The following GATAD1 variants were observed in gnomAD, a reference collection of about 807,000 sequenced individuals.
GATAD1 encodes the protein GATA zinc finger domain containing 1, also known as GATA zinc finger domain-containing protein 1.
In GATAD1, 12 loss-of-function variants were observed where a neutral mutation model predicts 26.5. That is an observed-to-expected ratio of 0.45 (90% CI 0.29 to 0.73). The LOEUF is 0.73. Ranked by LOEUF, GATAD1 falls within the 30% of genes least tolerant of loss-of-function variation. The pLI is 0.10. For missense variants in GATAD1, 266 were observed against 342.1 expected (o/e 0.78, Z 1.75); for synonymous variants, 129 against 133.1 (o/e 0.97, Z 0.21).
the GATAD1 span, among the ~76,000 whole-genome samples, chr7:92,465,982 C>T: frequency 2.0e-5 from 3 of 151,946 alleles, no homozygotes; most frequent in Admixed American, 6.6e-5. Context: ...CAGTCTGGGC[C>T]GACAGAGTGA....
the GATAD1 span, among the ~76,000 whole-genome samples, chr7:92,478,491 G>A: frequency 1.3e-5 from 2 of 152,172 alleles, no homozygotes; most frequent in Non-Finnish European, 2.9e-5. Flanking sequence ...TGGCTCGTGG[G>A]GTGGCAGAGG....
At chr7:92,487,527 T>C in the GATAD1 span, 2 of 1,569,700 alleles carry the variant, frequency 1.3e-6, no homozygotes, top group South Asian at 2.3e-5. Flanking sequence ...CTTTGGATTT[T>C]GAAAGCTTTC....
At chr7:92,454,067 G>A (rs1180896940) in intron 3 of GATAD1, 1 of 213,028 alleles carries the variant, frequency 4.7e-6, no homozygotes, top group African/African-American at 2.4e-5. Flanking sequence ...CGTGTAACAA[G>A]TGTACCACTC....
chr7:92,449,489 G>A (rs1268430982), intron 2 of GATAD1: 4 of 975,336 alleles, frequency 4.1e-6, no homozygotes, highest in Non-Finnish European at 4.9e-6. Context: ...ATAAACAAGG[G>A]ATAATGTTCA....
chr7:92,471,930 A>C, the GATAD1 span: 1 of 152,184 alleles, frequency 6.6e-6, no homozygotes, highest in Non-Finnish European at 1.5e-5. Flanking sequence ...GAGGGCTATT[A>C]GTTCTGCTAG....
chr7:92,471,741 T>G, the GATAD1 span: 1 of 152,224 alleles, frequency 6.6e-6, no homozygotes, highest in Non-Finnish European at 1.5e-5. Context: ...CTCTTTAGGT[T>G]TCTGTACAGC....
downstream of GATAD1, among the ~76,000 whole-genome samples, chr7:92,462,650 C>T (rs1167302462): frequency 1.3e-5 from 2 of 152,192 alleles, no homozygotes; most frequent in African/African-American, 2.4e-5. Flanking sequence ...TATGTTAAAG[C>T]CCTGGCCCCC....
chr7:92,494,331 G>T, the GATAD1 span: 4 of 1,613,690 alleles, frequency 2.5e-6, no homozygotes, highest in Non-Finnish European at 2.5e-6. Flanking sequence ...TTATCTAGTC[G>T]ACCAGGCCTA....
the GATAD1 span, among the ~76,000 whole-genome samples, chr7:92,484,711 TG>T: frequency 3.0e-4 from 45 of 152,254 alleles, 1 homozygote; most frequent in African/African-American, 7.9e-4. Context: ...GATTTGAAAT[TG>T]GTGAGCTGTT....
the GATAD1 span, chr7:92,469,444 G>C: frequency 3.9e-6 from 3 of 770,290 alleles, no homozygotes; most frequent in Admixed American, 3.4e-5. Context: ...TTTGTTGCGG[G>C]GCTTAGATAT....
the GATAD1 span, among the ~76,000 whole-genome samples, chr7:92,481,168 G>A: frequency 6.6e-6 from 1 of 152,122 alleles, no homozygotes; most frequent in African/African-American, 2.4e-5. Flanking sequence ...TAAACCAAAT[G>A]TGATCAACAT....
chr7:92,491,984 A>C, the GATAD1 span, among the ~76,000 whole-genome samples: 1,210 of 152,284 alleles, frequency 7.9e-3, 20 homozygotes, highest in African/African-American at 0.028. Flanking sequence ...TTCCAAACAA[A>C]TGTGGTAAAG....
At chr7:92,492,166 G>A in the GATAD1 span, among the ~76,000 whole-genome samples, 1 of 151,966 alleles carries the variant, frequency 6.6e-6, no homozygotes, top group East Asian at 1.9e-4. Context: ...TCTTTTTTGG[G>A]GGCAGGGTCT....
chr7:92,448,304 G>C (rs925793241), intron 1 of GATAD1, among the ~76,000 whole-genome samples: 1 of 152,192 alleles, frequency 6.6e-6, no homozygotes, highest in African/African-American at 2.4e-5. Flanking sequence ...GTCATATCAG[G>C]TTATGAAGTA....
At chr7:92,462,443 TAAC>T (rs756145842), downstream of GATAD1, among the ~76,000 whole-genome samples, 2 of 151,532 alleles carry the variant, frequency 1.3e-5, no homozygotes, top group Non-Finnish European at 2.9e-5. Flanking sequence ...ACAAACAAAA[TAAC>T]AAGCATAGTT....
chr7:92,487,671 C>A, the GATAD1 span: 1 of 467,384 alleles, frequency 2.1e-6, no homozygotes, highest in Middle Eastern at 5.6e-4. Flanking sequence ...AAAAAAAATT[C>A]CAGTCACAGA....
At chr7:92,456,316 G>GA (rs1278551013) in intron 4 of GATAD1, 56 bp from the exon 5 acceptor site, 2 of 1,197,040 alleles carry the variant, frequency 1.7e-6, no homozygotes, top group South Asian at 1.5e-5. Context: ...AACATCTTAT[G>GA]AAAATGATAT....
intron 3 of GATAD1, among the ~76,000 whole-genome samples, chr7:92,452,450 G>A (rs1050402377): frequency 2.0e-5 from 3 of 152,238 alleles, no homozygotes; most frequent in Non-Finnish European, 4.4e-5. Flanking sequence ...TGCAAGAGGA[G>A]CCTGAGTGGG....
At chr7:92,479,210 T>G in the GATAD1 span, among the ~76,000 whole-genome samples, 1 of 152,148 alleles carries the variant, frequency 6.6e-6, no homozygotes, top group Non-Finnish European at 1.5e-5. Flanking sequence ...CCCGTCCCTG[T>G]GAAGAGAGTC....
Sources: allele counts gnomAD v4.1 joint callset (sites outside exome capture counted in the v4.1 genomes callset), GRCh38; gene constraint gnomAD v4.1.1; transcripts MANE v1.5; gene names NCBI Gene and HGNC (gene_info 2026-07-23, HGNC 2026-07-21).